TBC1D4: variants seen among roughly 807,000 people sequenced by gnomAD.
The protein encoded by TBC1D4 is TBC (Tre-2, BUB2, CDC16) domain-containing protein.
In TBC1D4, 121 loss-of-function variants were observed where a neutral mutation model predicts 142.5. The ratio of observed to expected loss-of-function variants is 0.85; its 90% CI spans 0.73 to 0.99. The LOEUF (loss-of-function observed/expected upper bound fraction) is 0.99. TBC1D4 is among the 50% of genes least tolerant of loss of function. The pLI is 0.00. For missense variants in TBC1D4, 1,475 were observed against 1,606.6 expected (o/e 0.92, Z 1.40); for synonymous variants, 630 against 628.2 (o/e 1.00, Z -0.04).
At chr13:75,478,112 A>C (rs1888693303) in intron 1 of TBC1D4, among the ~76,000 whole-genome samples, 1 of 152,108 alleles carries the variant, frequency 6.6e-6, no homozygotes. Context: ...TTAGTACAGC[A>C]CTCCCAGCTC....
At chr13:75,459,791 C>A (rs1418375590) in intron 1 of TBC1D4, among the ~76,000 whole-genome samples, 1 of 152,138 alleles carries the variant, frequency 6.6e-6, no homozygotes, top group Non-Finnish European at 1.5e-5. Context: ...AAAGGAAAGA[C>A]TTGAAAACAA....
At chr13:75,342,951 T>C (rs758382600) in intron 5 of TBC1D4, among the ~76,000 whole-genome samples, 17 of 152,274 alleles carry the variant, frequency 1.1e-4, no homozygotes, top group Admixed American at 5.9e-4. Flanking sequence ...TATTACATGA[T>C]GTTATGACAT....
intron 1 of TBC1D4, among the ~76,000 whole-genome samples, chr13:75,469,189 TG>T (rs1888291646): frequency 1.3e-5 from 2 of 152,150 alleles, no homozygotes; most frequent in African/African-American, 4.8e-5. Flanking sequence ...CTTATATGTC[TG>T]AATGTAATGC....
intron 1 of TBC1D4, among the ~76,000 whole-genome samples, chr13:75,454,002 A>C (rs1471123524): frequency 6.6e-6 from 1 of 151,114 alleles, no homozygotes; most frequent in Non-Finnish European, 1.5e-5. Context: ...TATTTCTAAT[A>C]ATCCATCCTG....
At chr13:75,368,900 C>T (rs190138005) in intron 1 of TBC1D4, among the ~76,000 whole-genome samples, 48 of 152,070 alleles carry the variant, frequency 3.2e-4, no homozygotes, top group African/African-American at 1.1e-3. Context: ...AAAAATTAGC[C>T]AGGCATGGTG....
At chr13:75,359,727 A>G (rs1882343464) in intron 3 of TBC1D4, 42 bp downstream of exon 3, 1 of 1,455,106 alleles carries the variant, frequency 6.9e-7, no homozygotes, top group African/African-American at 1.4e-5. Flanking sequence ...TTCTGAAACA[A>G]GATTGGTCTC....
At chr13:75,363,454 T>C (rs9530425) in intron 1 of TBC1D4, among the ~76,000 whole-genome samples, 28,695 of 152,258 alleles carry the variant, frequency 0.19, 3,169 homozygotes, top group East Asian at 0.34. Context: ...GATAGATGCA[T>C]ATCTGATTGC....
chr13:75,381,064 A>T (rs1883819946), intron 1 of TBC1D4, among the ~76,000 whole-genome samples: 1 of 152,244 alleles, frequency 6.6e-6, no homozygotes, highest in Non-Finnish European at 1.5e-5. Flanking sequence ...CCTGTAACCT[A>T]TAAAAACTGT....
intron 1 of TBC1D4, among the ~76,000 whole-genome samples, chr13:75,398,331 T>G (rs1884906536): frequency 6.6e-6 from 1 of 151,970 alleles, no homozygotes; most frequent in Admixed American, 6.6e-5. Context: ...CTAAAACATG[T>G]GGAATTGGCT....
At chr13:75,475,854 T>C (rs541875245) in intron 1 of TBC1D4, among the ~76,000 whole-genome samples, 2 of 152,314 alleles carry the variant, frequency 1.3e-5, no homozygotes, top group African/African-American at 4.8e-5. Context: ...AACAGAAGTG[T>C]TTCAGATTTT....
At position 75,299,470 on chromosome 13, in the gene TBC1D4, C is replaced by T. The variant is rs767269303; in HGVS notation, c.3016G>A (p.Gly1006Arg). Residue 1006 changes from glycine to arginine, a missense_variant, in exon 17 of 21, where the codon GGA becomes AGA. Around this residue, in one of 2 missense-constraint regions of TBC1D4, gnomAD observed 1,227 missense variants for 1,267.7 expected, o/e 0.97. Transcript: ENST00000377636. Reference protein sequence around the residue: ...KAYSLLDKEVGYCQGISFVAG... With the variant: ...KAYSLLDKEVRYCQGISFVAG... ...ACAAAGCTGATCCCCTGACAGTATC[C>T]CACTTCTTTGTCCAGCAAAGAATAG... The T allele has an allele frequency of 6.8e-6, 11 of 1,614,182 alleles. No homozygotes were observed. The highest frequency in any genetic ancestry group is 9.3e-6 in the Non-Finnish European group (11 of 1,180,040).
rs747873050 is a variant in TBC1D4, at chr13:75,326,201, A to C, written c.2029T>G (p.Cys677Gly). The stretch of plus-strand genomic sequence containing the variant: ...TCTGGAGAGGGTCAGACTCACCTGC[A>C]CTGTTCACTGGAGCTCTGCCTCAGC... ...PLLRQSSSEQ[C>G]SNLSSVRRMY... is the part of the protein sequence containing the mutation. The change falls in exon 10 of 21, where the codon TGC (cysteine) becomes GGC (glycine). Residue 677 changes from cysteine (C) to glycine (G), a missense_variant. By Grantham distance (159) the Cys-to-Gly change is radical. Transcript: ENST00000377636. 3.6e-5 allele frequency: 58 copies of C among 1,614,020 alleles called. No homozygotes were observed. In the South Asian group the frequency reaches 5.6e-4, roughly 16 times the overall value.
intron 1 of TBC1D4, among the ~76,000 whole-genome samples, chr13:75,451,435 T>C (rs1021120484): frequency 6.6e-6 from 1 of 150,952 alleles, no homozygotes; most frequent in Non-Finnish European, 1.5e-5. Flanking sequence ...AATATAGATA[T>C]GTAATATTAC....
chr13:75,382,383 C>G (rs994516072), intron 1 of TBC1D4, among the ~76,000 whole-genome samples: 4 of 152,214 alleles, frequency 2.6e-5, no homozygotes, highest in Admixed American at 2.6e-4. Context: ...CTGCTTGCTG[C>G]TTCCTCAACA....
chr13:75,433,526 T>G (rs975309232), intron 1 of TBC1D4, among the ~76,000 whole-genome samples: 2 of 152,210 alleles, frequency 1.3e-5, no homozygotes, highest in Non-Finnish European at 2.9e-5. Flanking sequence ...GGGAAGCATA[T>G]GTGTAAAAGA....
chr13:75,454,609 T>C (rs1481559393), intron 1 of TBC1D4, among the ~76,000 whole-genome samples: 1 of 152,246 alleles, frequency 6.6e-6, no homozygotes, highest in East Asian at 1.9e-4. Context: ...ATTCAGTTTC[T>C]GCAGAAAACA....
At chr13:75,305,702 T>C (rs1410022022) in intron 15 of TBC1D4, among the ~76,000 whole-genome samples, 1 of 152,228 alleles carries the variant, frequency 6.6e-6, no homozygotes, top group African/African-American at 2.4e-5. Context: ...GAGATTCTAA[T>C]TTTAATATAT....
At position 75,343,768 on chromosome 13, in the gene TBC1D4, G is replaced by A. The variant is rs180863150; in HGVS notation, c.1409-2181C>T. Among the ~76,000 whole-genome samples, 349 of 152,116 alleles carry A rather than the reference G, an allele frequency of 2.3e-3. 4 individuals are homozygous for A. The highest frequency in any genetic ancestry group is 8.0e-3 in the African/African-American group (333 of 41,490). ...TGACCTCAGGTGATCTGCCCACCTC[G>A]GCCTCCCAAAGTGCTGGGATTACAT... On this transcript the variant is annotated intron_variant, in intron 5 of 20. Coordinates refer to ENST00000377636, the MANE Select transcript of TBC1D4 (RefSeq NM_014832.5).
At chr13:75,366,033 A>G (rs1219082569) in intron 1 of TBC1D4, among the ~76,000 whole-genome samples, 3 of 152,168 alleles carry the variant, frequency 2.0e-5, no homozygotes, top group Admixed American at 6.6e-5. Flanking sequence ...ATGTTTCCAG[A>G]ATGACTCTAA....
Sources: allele counts gnomAD v4.1 joint callset (sites outside exome capture counted in the v4.1 genomes callset), GRCh38; gene constraint gnomAD v4.1.1; regional missense constraint gnomAD v4.1.1; transcripts MANE v1.5; gene names NCBI Gene and HGNC (gene_info 2026-07-23, HGNC 2026-07-21).